RHOF: variants seen among roughly 807,000 people sequenced by gnomAD.
RHOF encodes ras homolog family member F, filopodia associated, also known as rho-related GTP-binding protein RhoF.
Under a neutral mutation model 22.2 loss-of-function variants are expected in RHOF, and 21 were observed. That is an observed-to-expected ratio of 0.95 (90% CI 0.67 to 1.36). RHOF has a LOEUF of 1.36. RHOF is among the 40% of genes most tolerant of loss of function. The pLI is 0.00. For missense variants in RHOF, 285 were observed against 293.7 expected (o/e 0.97, Z 0.22); for synonymous variants, 135 against 131.2 (o/e 1.03, Z -0.20).
intron 2 of RHOF, among the ~76,000 whole-genome samples, chr12:121,791,204 C>T (rs902031911): frequency 6.6e-6 from 1 of 152,156 alleles, no homozygotes; most frequent in Non-Finnish European, 1.5e-5. Flanking sequence ...CGGCTCACTG[C>T]AACCTCTGCC....
intron 2 of RHOF, among the ~76,000 whole-genome samples, chr12:121,791,905 A>G (rs1874774311): frequency 6.6e-6 from 1 of 152,224 alleles, no homozygotes; most frequent in South Asian, 2.1e-4. Flanking sequence ...CACAGGAAAC[A>G]TGAGAGTAAA....
chr12:121,792,971 A>G (rs1436160222), intron 2 of RHOF, among the ~76,000 whole-genome samples, 181 bp downstream of exon 2: 1 of 152,148 alleles, frequency 6.6e-6, no homozygotes, highest in East Asian at 1.9e-4. Flanking sequence ...CCTTCCACTT[A>G]CGTATAGGGC....
intron 2 of RHOF, chr12:121,781,512 T>A (rs1874456839): frequency 6.3e-6 from 2 of 315,890 alleles, no homozygotes; most frequent in Non-Finnish European, 1.2e-5. Flanking sequence ...CAGTCCTGGA[T>A]GGTGGTAAAG....
At chr12:121,789,060 T>C (rs754828915) in intron 2 of RHOF, among the ~76,000 whole-genome samples, 7 of 152,048 alleles carry the variant, frequency 4.6e-5, no homozygotes, top group African/African-American at 7.2e-5. Context: ...CAGATGGGCT[T>C]AGAGGTTAAA....
Position 121,780,861 on chromosome 12 carries a change from C to T in RHOF, c.471+11G>A, listed in dbSNP as rs543170256. ...CCACGGCTGTGCCCCAGGGTCTTGGCCCCGGCCCACCTGCATGTAGGTGAT... is the reference window on the plus strand; with the variant it reads ...CCACGGCTGTGCCCCAGGGTCTTGGTCCCGGCCCACCTGCATGTAGGTGAT... On this transcript the variant is annotated intron_variant, in intron 4 of 4. Transcript: ENST00000267205. The T allele has an allele frequency of 6.2e-7, 1 of 1,610,150 alleles. No homozygotes were observed. Among genetic ancestry groups the T allele is most frequent in the East Asian group, 2.2e-5 (1 of 44,866 alleles).
chr12:121,779,268 C>T lies in RHOF; in HGVS notation c.*230G>A. 1.7e-6 allele frequency: 1 copy of T among 573,564 alleles called. No individual in the cohort carries two copies. The highest frequency in any genetic ancestry group is 3.1e-6 in the Non-Finnish European group (1 of 321,596). 35.5% of individuals were successfully genotyped at this position (573,564 alleles called of 1,614,324 possible). A position where few individuals can be genotyped will look rare whatever the true frequency, so the allele number is the denominator to read the frequency against. ...GGCACTTGCGAGTCCCGACAACAGACACTGGCTCCTGCACCCACATCACCA... is the reference window on the plus strand; with the variant it reads ...GGCACTTGCGAGTCCCGACAACAGATACTGGCTCCTGCACCCACATCACCA... On this transcript the variant is annotated 3_prime_UTR_variant, in exon 5 of 5. Transcript: ENST00000267205.
At chr12:121,788,548 G>A (rs1424396788) in intron 2 of RHOF, among the ~76,000 whole-genome samples, 2 of 152,180 alleles carry the variant, frequency 1.3e-5, no homozygotes, top group Non-Finnish European at 2.9e-5. Context: ...GGATGGGGGA[G>A]CGTACTATTA....
chr12:121,781,129 C>T lies in RHOF; in HGVS notation c.290G>A (p.Cys97Tyr), dbSNP rs963923148. The change falls in exon 3 of 5, where the codon TGC (cysteine) becomes TAC (tyrosine). Residue 97 changes from cysteine to tyrosine, a missense_variant. Physicochemically the swap from Cys to Tyr is radical, Grantham distance 194. Coordinates refer to ENST00000267205, the MANE Select transcript of RHOF (RefSeq NM_019034.3). ...GCTGGTGGGATTCATGACGTCATAGCAGATGAGCACGAGGTGGGTGTTCTG... is the reference window on the plus strand; with the variant it reads ...GCTGGTGGGATTCATGACGTCATAGTAGATGAGCACGAGGTGGGTGTTCTG... ...SYQNTHLVLI[C>Y]YDVMNPTSYD... is the part of the protein sequence containing the mutation. The T allele has an allele frequency of 1.2e-6, 2 of 1,614,230 alleles. No homozygotes were observed. The highest frequency in any genetic ancestry group is 3.3e-5 in the Admixed American group (2 of 60,026).
Position 121,793,640 on chromosome 12 carries a change from G to C in RHOF, c.-7C>G. 1 of 1,533,276 alleles carries C rather than the reference G, an allele frequency of 6.5e-7. No individual in the cohort carries two copies. The highest frequency in any genetic ancestry group is 1.2e-5 in the South Asian group (1 of 83,914). 95.0% of individuals were successfully genotyped at this position (1,533,276 alleles called of 1,614,324 possible). A position where few individuals can be genotyped will look rare whatever the true frequency, so the allele number is the denominator to read the frequency against. ...GGGCCCCGGGGGCATCCATTGCCCG[G>C]AGCCCGCAGCACTGGCGGCGGCGCG... On this transcript the variant is annotated 5_prime_UTR_variant, in exon 1 of 5. Transcript: ENST00000267205.
intron 2 of RHOF, among the ~76,000 whole-genome samples, chr12:121,789,744 G>T (rs543254654): frequency 1.3e-5 from 2 of 152,178 alleles, no homozygotes; most frequent in African/African-American, 4.8e-5. Context: ...TGCTTCTGGG[G>T]CTCACAACAC....
intron 2 of RHOF, 101 bp downstream of exon 2, chr12:121,793,051 G>T: frequency 9.5e-7 from 1 of 1,051,404 alleles, no homozygotes; most frequent in Non-Finnish European, 1.4e-6. Flanking sequence ...CCAAGGCCCT[G>T]CCAAGGCTGC....
intron 2 of RHOF, among the ~76,000 whole-genome samples, chr12:121,791,946 C>T (rs767467462): frequency 1.3e-5 from 2 of 152,334 alleles, no homozygotes; most frequent in South Asian, 2.1e-4. Context: ...TTACTACCCC[C>T]GGGCCACGCC....
intron 2 of RHOF, among the ~76,000 whole-genome samples, chr12:121,787,255 G>A (rs1279403841): frequency 6.6e-6 from 1 of 152,112 alleles, no homozygotes; most frequent in Non-Finnish European, 1.5e-5. Context: ...CTGCAGCCTT[G>A]GCAAGGGCAT....
At chr12:121,782,486 A>G (rs1304902029) in intron 2 of RHOF, 3 of 151,706 alleles carry the variant, frequency 2.0e-5, no homozygotes, top group Non-Finnish European at 4.4e-5. Flanking sequence ...TCCACTGAAC[A>G]AGGAACGTGG....
At chr12:121,787,060 A>G (rs1176642155) in intron 2 of RHOF, among the ~76,000 whole-genome samples, 1 of 151,898 alleles carries the variant, frequency 6.6e-6, no homozygotes, top group South Asian at 2.1e-4. Flanking sequence ...AAAATCAAAA[A>G]CAAAAAAAAC....
Position 121,793,142 on chromosome 12 carries a change from G to A in RHOF, c.226+10C>T, listed in dbSNP as rs1425960717. 2 of 1,548,850 alleles carry A rather than the reference G, an allele frequency of 1.3e-6. No individual in the cohort carries two copies. The highest frequency in any genetic ancestry group is 1.4e-5 in the African/African-American group (1 of 73,132). On this transcript the variant is annotated intron_variant, in intron 2 of 4. Coordinates refer to ENST00000267205, the MANE Select transcript of RHOF (RefSeq NM_019034.3). ...GACCCTCGGGCCCCCCGGCGCGCAGGCGCACTCACCGGCCGTGTCGTAGAG... is the reference window on the plus strand; with the variant it reads ...GACCCTCGGGCCCCCCGGCGCGCAGACGCACTCACCGGCCGTGTCGTAGAG...
chr12:121,781,221 G>T, intron 2 of RHOF, 29 bp from the exon 3 acceptor site: 1 of 1,599,656 alleles, frequency 6.3e-7, no homozygotes, highest in Non-Finnish European at 8.6e-7. Context: ...GGGGGTCAGG[G>T]GACGTCCCCT....
chr12:121,786,388 A>G (rs1270381477), intron 2 of RHOF, among the ~76,000 whole-genome samples: 2 of 152,182 alleles, frequency 1.3e-5, no homozygotes, highest in African/African-American at 4.8e-5. Flanking sequence ...CACAGCAGAG[A>G]CAAGGGTTGA....
At position 121,793,280 on chromosome 12, in the gene RHOF, C is replaced by CG. The variant is rs575653547; in HGVS notation, c.139-42dup. On this transcript the variant is annotated intron_variant, in intron 1 of 4. Coordinates refer to ENST00000267205, the MANE Select transcript of RHOF (RefSeq NM_019034.3). Reference sequence around the variant, plus strand: ...TCGGGTTGGTCCTTAGTGGGGCCGGCGGGGGCCAAAGTTCCAGCTGAATCC... The same window carrying CG: ...TCGGGTTGGTCCTTAGTGGGGCCGGCGGGGGGCCAAAGTTCCAGCTGAATCC... The CG allele has an allele frequency of 7.2e-5, 110 of 1,525,890 alleles. No homozygotes were observed. In the South Asian group the frequency reaches 1.2e-3, roughly 17 times the overall value. The allele number at this position is 1,525,890 out of a possible 1,614,324, so 94.5% of individuals were successfully genotyped here.
Sources: allele counts gnomAD v4.1 joint callset (sites outside exome capture counted in the v4.1 genomes callset), GRCh38; gene constraint gnomAD v4.1.1; transcripts MANE v1.5; gene names NCBI Gene and HGNC (gene_info 2026-07-23, HGNC 2026-07-21).